MTUS2: variants seen among roughly 807,000 people sequenced by gnomAD.
MTUS2 encodes the protein microtubule-associated tumor suppressor candidate 2.
Under a neutral mutation model 114.1 loss-of-function variants are expected in MTUS2, and 40 were observed. The ratio of observed to expected loss-of-function variants is 0.35; its 90% confidence interval spans 0.27 to 0.46. The LOEUF is 0.46. Among genes scored for constraint, MTUS2 ranks in the 20% least tolerant of loss-of-function variants. The pLI is 1.00. For synonymous variants in MTUS2, 688 were observed against 672.0 expected (o/e 1.02, Z -0.37); for missense variants, 1,679 against 1,705.4 (o/e 0.98, Z 0.27).
intron 2 of MTUS2, among the ~76,000 whole-genome samples, chr13:28,984,068 T>C (rs1003104701): frequency 6.6e-6 from 1 of 152,146 alleles, no homozygotes; most frequent in African/African-American, 2.4e-5. Flanking sequence ...CACTTTCCCT[T>C]CTCCTCGCTC....
At chr13:29,038,701 C>T (rs1887196312) in intron 4 of MTUS2, among the ~76,000 whole-genome samples, 1 of 152,266 alleles carries the variant, frequency 6.6e-6, no homozygotes, top group African/African-American at 2.4e-5. Flanking sequence ...CTATAAGCCC[C>T]TTACTGGGGC....
intron 5 of MTUS2, among the ~76,000 whole-genome samples, chr13:29,275,490 A>G (rs1174608096): frequency 6.6e-6 from 1 of 152,132 alleles, no homozygotes; most frequent in Non-Finnish European, 1.5e-5. Context: ...TGTACCCATT[A>G]ACCATCCCTA....
chr13:29,461,271 C>T (rs938839686), intron 9 of MTUS2, among the ~76,000 whole-genome samples: 2 of 152,242 alleles, frequency 1.3e-5, no homozygotes, highest in Admixed American at 6.5e-5. Context: ...ATGATAATGA[C>T]ATTAATCTAT....
intron 4 of MTUS2, among the ~76,000 whole-genome samples, chr13:29,090,342 T>C (rs1277188872): frequency 6.6e-6 from 1 of 152,090 alleles, no homozygotes; most frequent in Non-Finnish European, 1.5e-5. Flanking sequence ...AAAACAACAC[T>C]CTGATGGGGG....
intron 7 of MTUS2, among the ~76,000 whole-genome samples, chr13:29,330,551 GT>G (rs1306816919): frequency 6.6e-6 from 1 of 152,110 alleles, no homozygotes; most frequent in African/African-American, 2.4e-5. Context: ...TTCTTTTAGG[GT>G]TTTTGTGGGT....
At chr13:29,395,514 A>G (rs1360755245) in intron 8 of MTUS2, among the ~76,000 whole-genome samples, 2 of 152,206 alleles carry the variant, frequency 1.3e-5, no homozygotes, top group Non-Finnish European at 2.9e-5. Flanking sequence ...GAGGAAAAGA[A>G]GAGGGAGATG....
chr13:29,114,335 CTTGT>C (rs1355997546), intron 5 of MTUS2, among the ~76,000 whole-genome samples: 1 of 152,048 alleles, frequency 6.6e-6, no homozygotes, highest in Non-Finnish European at 1.5e-5. Context: ...TTTATCCCCA[CTTGT>C]TTATTTTACA....
At chr13:29,355,869 A>G (rs149126546) in intron 7 of MTUS2, among the ~76,000 whole-genome samples, 67 of 152,220 alleles carry the variant, frequency 4.4e-4, no homozygotes, top group African/African-American at 1.4e-3. Flanking sequence ...ATTCTACTCT[A>G]TTTTCCCTTC....
chr13:29,198,669 A>C (rs1414092883), intron 5 of MTUS2, among the ~76,000 whole-genome samples: 3 of 152,072 alleles, frequency 2.0e-5, no homozygotes. Flanking sequence ...AAGTATGGCC[A>C]TTTTCATGAA....
intron 2 of MTUS2, among the ~76,000 whole-genome samples, chr13:28,947,676 C>G (rs998170034): frequency 6.6e-6 from 1 of 152,190 alleles, no homozygotes; most frequent in African/African-American, 2.4e-5. Flanking sequence ...AACTGTAGCA[C>G]TTGTATCTCC....
At chr13:28,877,133 CA>C (rs576847139) in intron 2 of MTUS2, among the ~76,000 whole-genome samples, 10,603 of 122,142 alleles carry the variant, frequency 0.087, 1,171 homozygotes, top group African/African-American at 0.27. Context: ...ACTAAAAATA[CA>C]AAAAAAAAAA....
intron 5 of MTUS2, among the ~76,000 whole-genome samples, chr13:29,266,844 G>A (rs1233981556): frequency 6.6e-6 from 1 of 152,224 alleles, no homozygotes; most frequent in Non-Finnish European, 1.5e-5. Flanking sequence ...CTTGTATGAA[G>A]TAAGTAGGAC....
intron 10 of MTUS2, chr13:29,482,052 C>T (rs942159292): frequency 2.0e-5 from 3 of 152,152 alleles, no homozygotes; most frequent in Non-Finnish European, 4.4e-5. Flanking sequence ...TGTTCTGTGC[C>T]TCTGTATCTA....
At chr13:29,311,183 C>A (rs1268245464) in intron 6 of MTUS2, among the ~76,000 whole-genome samples, 1 of 152,186 alleles carries the variant, frequency 6.6e-6, no homozygotes, top group Non-Finnish European at 1.5e-5. Flanking sequence ...GATATTGTTA[C>A]CGCCACAGGT....
chr13:28,826,790 G>A (rs78558779), intron 1 of MTUS2, among the ~76,000 whole-genome samples: 1 of 152,178 alleles, frequency 6.6e-6, no homozygotes, highest in African/African-American at 2.4e-5. Context: ...GGAATATATA[G>A]CCTTGGATTA....
intron 8 of MTUS2, among the ~76,000 whole-genome samples, chr13:29,437,867 G>C (rs1465988173): frequency 1.3e-5 from 2 of 151,738 alleles, no homozygotes; most frequent in Non-Finnish European, 2.9e-5. Flanking sequence ...AGGATACATT[G>C]AGCCTGGGAG....
chr13:28,878,363 T>C (rs1348890754), intron 2 of MTUS2, among the ~76,000 whole-genome samples: 2 of 152,140 alleles, frequency 1.3e-5, no homozygotes, highest in East Asian at 3.9e-4. Flanking sequence ...GGGGTACATG[T>C]GCAGTATGTG....
intron 2 of MTUS2, among the ~76,000 whole-genome samples, chr13:29,018,273 C>G (rs1460768816): frequency 6.6e-6 from 1 of 152,302 alleles, no homozygotes; most frequent in South Asian, 2.1e-4. Context: ...AGAGGTGTCA[C>G]TTTAGCCTGT....
intron 8 of MTUS2, among the ~76,000 whole-genome samples, chr13:29,384,326 T>C (rs1872486750): frequency 6.6e-6 from 1 of 152,254 alleles, no homozygotes; most frequent in South Asian, 2.1e-4. Flanking sequence ...ATTATAATTA[T>C]TTATGACCCT....
Sources: gnomAD v4.1 joint callset for allele counts (sites outside exome capture counted in the v4.1 genomes callset) on GRCh38, gnomAD v4.1.1 for gene constraint, MANE v1.5 for transcripts, NCBI Gene and HGNC (gene_info 2026-07-23, HGNC 2026-07-21) for gene names.